Variants in PRKCA observed in about 807,000 individuals in gnomAD.
PRKCA encodes protein kinase C alpha.
Under a neutral mutation model 87.0 loss-of-function variants are expected in PRKCA, and 27 were observed. That is an observed-to-expected ratio of 0.31 (90% CI 0.23 to 0.43). The LOEUF is 0.43. Ranked by LOEUF, PRKCA falls within the 20% of genes least tolerant of loss-of-function variation. PRKCA has a pLI of 1.00. For missense variants in PRKCA, 518 were observed against 852.3 expected (o/e 0.61, Z 4.88); for synonymous variants, 329 against 311.1 (o/e 1.06, Z -0.61).
intron 2 of PRKCA, among the ~76,000 whole-genome samples, chr17:66,350,807 G>A (rs1907696458): frequency 6.6e-6 from 1 of 152,174 alleles, no homozygotes; most frequent in Non-Finnish European, 1.5e-5. Flanking sequence ...TTACAGACGT[G>A]AGGCACCGTG....
intron 8 of PRKCA, among the ~76,000 whole-genome samples, chr17:66,731,406 T>C (rs1163800420): frequency 1.3e-5 from 2 of 148,324 alleles, no homozygotes; most frequent in African/African-American, 5.0e-5. Context: ...GCCCTAGGGC[T>C]CAGGGATGTG....
chr17:66,385,495 C>A (rs996463695), intron 2 of PRKCA, among the ~76,000 whole-genome samples: 3 of 152,164 alleles, frequency 2.0e-5, no homozygotes, highest in Admixed American at 6.5e-5. Context: ...ATACAAAGCC[C>A]ATGATTCTGT....
At chr17:66,632,306 G>A (rs1268066100) in intron 3 of PRKCA, among the ~76,000 whole-genome samples, 1 of 152,186 alleles carries the variant, frequency 6.6e-6, no homozygotes, top group Non-Finnish European at 1.5e-5. Flanking sequence ...CTTTCCCAGA[G>A]TCATTTACTT....
intron 5 of PRKCA, among the ~76,000 whole-genome samples, chr17:66,649,958 TGA>T (rs756635818): frequency 2.0e-4 from 31 of 152,168 alleles, no homozygotes; most frequent in African/African-American, 7.0e-4. Context: ...GAGCTCCGAT[TGA>T]GAGAGTCAGA....
chr17:66,748,217 A>T (rs940857009), intron 13 of PRKCA, among the ~76,000 whole-genome samples: 7 of 152,212 alleles, frequency 4.6e-5, no homozygotes. Flanking sequence ...CTGGGGTCAC[A>T]GCTTCTGCGT....
chr17:66,475,192 A>G (rs1041012846), intron 2 of PRKCA, among the ~76,000 whole-genome samples: 16 of 152,140 alleles, frequency 1.1e-4, no homozygotes, highest in Non-Finnish European at 2.1e-4. Flanking sequence ...GAGAGGCTGC[A>G]ACCACAACAG....
chr17:66,427,603 G>A (rs1466773568), intron 2 of PRKCA, among the ~76,000 whole-genome samples: 2 of 152,228 alleles, frequency 1.3e-5, no homozygotes, highest in Admixed American at 6.5e-5. Flanking sequence ...AGATTGTCCT[G>A]TAGGCAAGGG....
intron 3 of PRKCA, among the ~76,000 whole-genome samples, chr17:66,513,526 G>A (rs1244685998): frequency 6.6e-6 from 1 of 152,202 alleles, no homozygotes; most frequent in Non-Finnish European, 1.5e-5. Context: ...TGAAGTAGAT[G>A]TTGAATTTAA....
chr17:66,614,033 T>G (rs1242338692), intron 3 of PRKCA, among the ~76,000 whole-genome samples: 1 of 152,124 alleles, frequency 6.6e-6, no homozygotes, highest in Non-Finnish European at 1.5e-5. Context: ...TCAAGTGATC[T>G]GTGTGCCTTG....
At chr17:66,801,293 G>GT (rs762584081) in intron 16 of PRKCA, among the ~76,000 whole-genome samples, 1 of 152,230 alleles carries the variant, frequency 6.6e-6, no homozygotes, top group Non-Finnish European at 1.5e-5. Context: ...GGCGGGGGCA[G>GT]TGTCCTGGGC....
At chr17:66,431,567 GTC>G (rs1913101226) in intron 2 of PRKCA, among the ~76,000 whole-genome samples, 1 of 152,198 alleles carries the variant, frequency 6.6e-6, no homozygotes, top group Non-Finnish European at 1.5e-5. Context: ...CAGAAGTTTA[GTC>G]TCTGCTCTCC....
At chr17:66,746,106 T>A (rs1446140548) in intron 13 of PRKCA, among the ~76,000 whole-genome samples, 1 of 151,624 alleles carries the variant, frequency 6.6e-6, no homozygotes, top group Non-Finnish European at 1.5e-5. Context: ...CAGGCACCAC[T>A]GCTTTGGAAA....
In PRKCA at chr17:66,334,594, G is replaced by A. The variant is rs75317611; in HGVS notation, c.205+28467G>A. Among the ~76,000 whole-genome samples, 757 of 152,294 alleles carry A rather than the reference G, an allele frequency of 5.0e-3. 3 individuals are homozygous for A. Among genetic ancestry groups the A allele is most frequent in the African/African-American group, 0.014 (565 of 41,556 alleles). On this transcript the variant is annotated intron_variant, in intron 2 of 16. Coordinates refer to ENST00000413366, the MANE Select transcript of PRKCA (RefSeq NM_002737.3). ...ACTGTTTCACACCCATTGGATGGCC[G>A]TTAAGAGAATAGAAACAAGTGTTGA... is the stretch of plus-strand genomic sequence containing the variant.
intron 2 of PRKCA, among the ~76,000 whole-genome samples, chr17:66,452,168 G>T (rs1353987483): frequency 6.6e-6 from 1 of 152,176 alleles, no homozygotes; most frequent in East Asian, 1.9e-4. Context: ...AATACTGCCG[G>T]TGGCTTCATT....
intron 8 of PRKCA, among the ~76,000 whole-genome samples, chr17:66,695,238 C>A (rs554894773): frequency 9.8e-5 from 15 of 152,296 alleles, no homozygotes; most frequent in Non-Finnish European, 1.8e-4. Flanking sequence ...GCAAATAACC[C>A]CAGCCATGGA....
chr17:66,545,520 A>G (rs1017035426), intron 3 of PRKCA, among the ~76,000 whole-genome samples: 1 of 152,138 alleles, frequency 6.6e-6, no homozygotes, highest in African/African-American at 2.4e-5. Flanking sequence ...TTTTAATCCT[A>G]CATCACATCA....
chr17:66,581,967 C>T lies in PRKCA; in HGVS notation c.289-59388C>T, dbSNP rs116877273. Among the ~76,000 whole-genome samples, 497 of 152,256 alleles carry T rather than the reference C, an allele frequency of 3.3e-3. 4 individuals carry two copies. Among genetic ancestry groups the T allele is most frequent in the Non-Finnish European group, 5.6e-3 (384 of 68,014 alleles). On this transcript the variant is annotated intron_variant, in intron 3 of 16. Coordinates refer to ENST00000413366, the MANE Select transcript of PRKCA (RefSeq NM_002737.3). ...TATGGGATGGGGATAAAAGGAAGGACATTTAGCCATTAGCCCCAGGAGAGC... is the reference window on the plus strand; with the variant it reads ...TATGGGATGGGGATAAAAGGAAGGATATTTAGCCATTAGCCCCAGGAGAGC...
At chr17:66,712,973 T>C (rs1047604048) in intron 8 of PRKCA, among the ~76,000 whole-genome samples, 5 of 151,972 alleles carry the variant, frequency 3.3e-5, no homozygotes, top group African/African-American at 1.2e-4. Flanking sequence ...TACAGAGTTT[T>C]CCCTAATGGA....
intron 3 of PRKCA, among the ~76,000 whole-genome samples, chr17:66,500,599 C>G (rs1197515934): frequency 6.6e-6 from 1 of 152,102 alleles, no homozygotes; most frequent in African/African-American, 2.4e-5. Flanking sequence ...TATGTTATCT[C>G]TTGAGTATCC....
Sources: allele counts gnomAD v4.1 joint callset (sites outside exome capture counted in the v4.1 genomes callset), GRCh38; gene constraint gnomAD v4.1.1; transcripts MANE v1.5; gene names NCBI Gene and HGNC (gene_info 2026-07-23, HGNC 2026-07-21).